DCC: variants seen among roughly 807,000 people sequenced by gnomAD.
The protein encoded by DCC is DCC netrin 1 receptor.
Under a neutral mutation model 172.5 loss-of-function variants are expected in DCC, and 58 were observed. The ratio of observed to expected loss-of-function variants is 0.34; its 90% CI spans 0.27 to 0.42. The LOEUF (loss-of-function observed/expected upper bound fraction) is 0.42. Among genes scored for constraint, DCC ranks in the 10% least tolerant of loss-of-function variants. The probability of loss-of-function intolerance (pLI) is 1.00; values close to 1 mark genes in which losing one functional copy is unlikely to be tolerated. For synonymous variants in DCC, 709 were observed against 644.5 expected (o/e 1.10, Z -1.52); for missense variants, 1,740 against 1,791.0 (o/e 0.97, Z 0.51).
intron 5 of DCC, among the ~76,000 whole-genome samples, chr18:53,020,090 C>T (rs1275126118): frequency 4.6e-5 from 7 of 152,148 alleles, no homozygotes; most frequent in Non-Finnish European, 8.8e-5. Context: ...ACTACATCTA[C>T]AACCCAGCCC....
intron 15 of DCC, among the ~76,000 whole-genome samples, chr18:53,365,168 G>A (rs1323079499): frequency 1.3e-5 from 2 of 151,268 alleles, no homozygotes; most frequent in Non-Finnish European, 2.9e-5. Flanking sequence ...GAGTGAGAAC[G>A]TGAGATGTTT....
intron 1 of DCC, among the ~76,000 whole-genome samples, chr18:52,496,716 T>G (rs904967604): frequency 6.6e-6 from 1 of 152,176 alleles, no homozygotes; most frequent in African/African-American, 2.4e-5. Context: ...TGCATTTCAA[T>G]GATCTGAGGC....
intron 15 of DCC, among the ~76,000 whole-genome samples, chr18:53,385,322 AC>A (rs1908085048): frequency 1.3e-5 from 2 of 152,190 alleles, no homozygotes; most frequent in Admixed American, 6.5e-5. Context: ...ATAAAAATTG[AC>A]AGAAACAATG....
At chr18:53,330,272 A>G (rs925651015) in intron 14 of DCC, among the ~76,000 whole-genome samples, 12 of 152,138 alleles carry the variant, frequency 7.9e-5, no homozygotes, top group Non-Finnish European at 1.3e-4. Flanking sequence ...GATTGATTGT[A>G]TTCTTCACTT....
intron 2 of DCC, among the ~76,000 whole-genome samples, chr18:52,843,931 C>CT (rs1396617043): frequency 1.3e-5 from 2 of 152,112 alleles, no homozygotes; most frequent in African/African-American, 2.4e-5. Flanking sequence ...TTATATACAA[C>CT]TTTAATCCTC....
At chr18:52,530,743 T>C (rs1010531809) in intron 1 of DCC, among the ~76,000 whole-genome samples, 1 of 152,178 alleles carries the variant, frequency 6.6e-6, no homozygotes, top group Non-Finnish European at 1.5e-5. Flanking sequence ...CAAAAACATA[T>C]TCAGAACACT....
intron 1 of DCC, among the ~76,000 whole-genome samples, chr18:52,629,288 C>A (rs924995081): frequency 6.6e-6 from 1 of 152,120 alleles, no homozygotes; most frequent in Non-Finnish European, 1.5e-5. Flanking sequence ...AAGACAAAAA[C>A]TTCTACCCAC....
intron 5 of DCC, among the ~76,000 whole-genome samples, chr18:52,930,442 A>G (rs2040290989): frequency 1.3e-5 from 2 of 152,170 alleles, no homozygotes; most frequent in African/African-American, 4.8e-5. Context: ...AAACAAAAAC[A>G]ACCCACTAAG....
chr18:52,494,398 A>G (rs2030660268), intron 1 of DCC, among the ~76,000 whole-genome samples: 1 of 151,720 alleles, frequency 6.6e-6, no homozygotes, highest in Non-Finnish European at 1.5e-5. Flanking sequence ...GAAAGTCCTC[A>G]GCCATTATGT....
intron 7 of DCC, among the ~76,000 whole-genome samples, chr18:53,131,255 TTTTC>T (rs1421313917): frequency 1.4e-4 from 22 of 152,236 alleles, no homozygotes; most frequent in East Asian, 3.9e-4. Flanking sequence ...CATTCACAGT[TTTTC>T]TTTATTCTCT....
At chr18:53,162,952 T>A (rs2054865129) in intron 8 of DCC, among the ~76,000 whole-genome samples, 1 of 152,174 alleles carries the variant, frequency 6.6e-6, no homozygotes, top group African/African-American at 2.4e-5. Context: ...TCACTAAATA[T>A]TTTTCGACTT....
intron 21 of DCC, among the ~76,000 whole-genome samples, chr18:53,424,305 C>T (rs1286116609): frequency 6.6e-6 from 1 of 152,128 alleles, no homozygotes; most frequent in East Asian, 1.9e-4. Context: ...ATGAAAAGAA[C>T]TAGACTCACT....
chr18:52,969,603 C>A (rs1408101634), intron 5 of DCC, among the ~76,000 whole-genome samples: 3 of 149,460 alleles, frequency 2.0e-5, no homozygotes, highest in Non-Finnish European at 4.5e-5. Context: ...CTCTCTCTCT[C>A]TCTCTCTCTC....
At chr18:52,618,025 T>C (rs141599565) in intron 1 of DCC, among the ~76,000 whole-genome samples, 11 of 152,302 alleles carry the variant, frequency 7.2e-5, no homozygotes, top group Non-Finnish European at 1.3e-4. Context: ...CAAGGAATTA[T>C]ACAGAAATCA....
intron 1 of DCC, among the ~76,000 whole-genome samples, chr18:52,688,383 G>A (rs973625301): frequency 6.6e-6 from 1 of 152,038 alleles, no homozygotes; most frequent in East Asian, 1.9e-4. Context: ...TTTGTCATAT[G>A]TTTATGTTAG....
At chr18:53,338,338 T>C (rs999989700) in intron 14 of DCC, among the ~76,000 whole-genome samples, 4 of 152,202 alleles carry the variant, frequency 2.6e-5, no homozygotes, top group Non-Finnish European at 5.9e-5. Context: ...GCACGATGGC[T>C]CAAGCCTGTA....
At position 53,384,320 on chromosome 18, in the gene DCC, T is replaced by C. The variant is rs146087928; in HGVS notation, c.2360-1723T>C. Among the ~76,000 whole-genome samples the C allele has an allele frequency of 9.1e-3, 1,379 of 152,304 alleles. 26 individuals carry two copies. Among genetic ancestry groups the C allele is most frequent in the African/African-American group, 0.032 (1,324 of 41,580 alleles). On this transcript the variant is annotated intron_variant, in intron 15 of 28. Transcript: ENST00000442544. The stretch of plus-strand genomic sequence containing the variant: ...CCGTAAAATGTTATATAAAGCCTGA[T>C]AATCTAATTTTTTTTTCTAAGTCAT...
chr18:52,849,857 T>C (rs749828663), intron 2 of DCC, among the ~76,000 whole-genome samples: 8 of 152,176 alleles, frequency 5.3e-5, no homozygotes, highest in Non-Finnish European at 1.0e-4. Flanking sequence ...AGAGAGTACA[T>C]GGGCTTTTCC....
At chr18:53,468,626 G>A (rs201654129) in intron 25 of DCC, among the ~76,000 whole-genome samples, 36 of 152,076 alleles carry the variant, frequency 2.4e-4, no homozygotes, top group East Asian at 1.7e-3. Flanking sequence ...CATGTGATCC[G>A]TCTTCTTCAG....
Sources: allele counts gnomAD v4.1 joint callset (sites outside exome capture counted in the v4.1 genomes callset), GRCh38; gene constraint gnomAD v4.1.1; transcripts MANE v1.5; gene names NCBI Gene and HGNC (gene_info 2026-07-23, HGNC 2026-07-21).